The following PLCB1 variants were observed in gnomAD, a reference collection of about 807,000 sequenced individuals.
The protein encoded by PLCB1 is phospholipase C beta 1.
In PLCB1, 46 loss-of-function variants were observed where a neutral mutation model predicts 161.8. That is an observed-to-expected ratio of 0.28 (90% CI 0.22 to 0.36). The LOEUF (loss-of-function observed/expected upper bound fraction) is 0.36, where lower values mean the gene tolerates loss of function less well. PLCB1 is among the 10% of genes least tolerant of loss of function. PLCB1 has a pLI of 1.00. For missense variants in PLCB1, 1,016 were observed against 1,472.5 expected, an observed-to-expected ratio of 0.69 and a Z score of 5.07; for synonymous variants, 517 against 503.7, an observed-to-expected ratio of 1.03 and a Z score of -0.35.
chr20:8,736,123 A>G (rs918987427), intron 19 of PLCB1, among the ~76,000 whole-genome samples: 7 of 152,186 alleles, frequency 4.6e-5, no homozygotes, highest in African/African-American at 1.2e-4. Context: ...TTGTAACCAC[A>G]TAACCCAGAT....
chr20:8,418,762 A>C (rs935599061), intron 3 of PLCB1, among the ~76,000 whole-genome samples: 8 of 152,074 alleles, frequency 5.3e-5, no homozygotes, highest in Non-Finnish European at 1.0e-4. Flanking sequence ...AAAGCACTAA[A>C]CTCTAGAGGC....
At position 8,168,681 on chromosome 20, in the gene PLCB1, A is replaced by G. The variant is rs762220134; in HGVS notation, c.177+18310A>G. 3.9e-5 allele frequency among the ~76,000 whole-genome samples: 6 copies of G among 152,070 alleles called. No individual in the cohort carries two copies. In the East Asian group the frequency reaches 7.7e-4, roughly 20 times the overall value. ...GAAACCTTAAGTCATCTTTGAGGAT[A>G]CTAGTTTGTTGTGCTATTTTTTTTC... On this transcript the variant is annotated intron_variant, in intron 2 of 31. Coordinates refer to ENST00000338037, the MANE Select transcript of PLCB1 (RefSeq NM_015192.4).
At chr20:8,576,497 C>T (rs1005532709) in intron 3 of PLCB1, among the ~76,000 whole-genome samples, 15 of 152,276 alleles carry the variant, frequency 9.9e-5, no homozygotes, top group African/African-American at 3.6e-4. Flanking sequence ...GACATATTTC[C>T]ATACAATCAT....
intron 2 of PLCB1, among the ~76,000 whole-genome samples, chr20:8,191,356 C>T (rs1414709197): frequency 2.0e-5 from 3 of 151,978 alleles, no homozygotes; most frequent in African/African-American, 7.2e-5. Context: ...CACAAATTCA[C>T]TGATTGTTTC....
At chr20:8,554,082 GAA>G (rs58969181) in intron 3 of PLCB1, among the ~76,000 whole-genome samples, 2 of 140,054 alleles carry the variant, frequency 1.4e-5, no homozygotes, top group Admixed American at 7.2e-5. Context: ...TAAAATTAAG[GAA>G]AAAAAAAAAA....
At chr20:8,355,845 G>T (rs897813396) in intron 2 of PLCB1, among the ~76,000 whole-genome samples, 3 of 152,032 alleles carry the variant, frequency 2.0e-5, no homozygotes, top group Non-Finnish European at 4.4e-5. Context: ...AATAATAATT[G>T]CAACAAAAAG....
In PLCB1 at chr20:8,687,515, T is replaced by C. The variant is rs989138805; in HGVS notation, c.1009+2437T>C. On this transcript the variant is annotated intron_variant, in intron 10 of 31. Transcript: ENST00000338037. ...CACCCCCTGCCCCAAGTCCCCAAAG[T>C]CTATTATATCATTCTTATGCCTTTG... Among the ~76,000 whole-genome samples the C allele has an allele frequency of 5.9e-5, 9 of 152,172 alleles. No homozygotes were observed. In the South Asian group the frequency reaches 1.5e-3, roughly 25 times the overall value.
chr20:8,251,746 C>T (rs535575083), intron 2 of PLCB1, among the ~76,000 whole-genome samples: 18 of 152,002 alleles, frequency 1.2e-4, no homozygotes, highest in Admixed American at 3.3e-4. Context: ...TACATAGTTG[C>T]GAGTGAGACA....
At chr20:8,768,258 T>G (rs1982466553) in intron 26 of PLCB1, among the ~76,000 whole-genome samples, 1 of 152,152 alleles carries the variant, frequency 6.6e-6, no homozygotes, top group Non-Finnish European at 1.5e-5. Context: ...AACTTTTTTT[T>G]TTGTTTCTTC....
chr20:8,583,989 G>T (rs1324975190), intron 3 of PLCB1, among the ~76,000 whole-genome samples: 1 of 152,116 alleles, frequency 6.6e-6, no homozygotes, highest in East Asian at 1.9e-4. Flanking sequence ...TTAAATGAGT[G>T]TTTCCGGGGC....
rs574869908 is a variant in PLCB1, at chr20:8,533,316, A to G, written c.247-94978A>G. ...CTTTGCTATTGTGAATAATGCCGCA[A>G]TAAACATACGTGTGCATGTGTCTTT... On this transcript the variant is annotated intron_variant, in intron 3 of 31. Transcript: ENST00000338037. Among the ~76,000 whole-genome samples the G allele has an allele frequency of 2.6e-5, 4 of 151,040 alleles. No homozygotes were observed. In the South Asian group the frequency reaches 6.3e-4, roughly 24 times the overall value.
intron 3 of PLCB1, among the ~76,000 whole-genome samples, chr20:8,503,573 A>T (rs912906536): frequency 6.6e-6 from 1 of 152,130 alleles, no homozygotes; most frequent in African/African-American, 2.4e-5. Context: ...ATTAAACCCT[A>T]TACAGTCATA....
chr20:8,238,756 T>A (rs1408821754), intron 2 of PLCB1, among the ~76,000 whole-genome samples: 1 of 151,904 alleles, frequency 6.6e-6, no homozygotes, highest in Non-Finnish European at 1.5e-5. Context: ...TGGTTTCAAA[T>A]GTTATAGACA....
chr20:8,278,558 A>C (rs1330911460), intron 2 of PLCB1, among the ~76,000 whole-genome samples: 1 of 151,888 alleles, frequency 6.6e-6, no homozygotes, highest in Non-Finnish European at 1.5e-5. Context: ...CAGTCTATTC[A>C]TAAAAGAGGA....
chr20:8,341,338 A>G (rs1207124266), intron 2 of PLCB1, among the ~76,000 whole-genome samples: 2 of 151,576 alleles, frequency 1.3e-5, no homozygotes, highest in African/African-American at 2.4e-5. Context: ...ACCCCAACAC[A>G]CTCCATTATA....
rs918203215 is a variant in PLCB1 at position 8,884,822 on chromosome 20, G to A, written c.*2973G>A. ...TGTAATAATTCTATGCAATTTTGTG[G>A]CATGATGTTTCTTCCACTTGTAATT... On this transcript the variant is annotated 3_prime_UTR_variant, in exon 32 of 32. Coordinates refer to ENST00000338037, the MANE Select transcript of PLCB1 (RefSeq NM_015192.4). 6.6e-6 allele frequency: 1 copy of A among 152,470 alleles called. No individual in the cohort carries two copies. The allele number at this position is 152,470 out of a possible 1,614,324, so 9.4% of individuals were successfully genotyped here.
chr20:8,756,804 G>A (rs1981758680), intron 23 of PLCB1, among the ~76,000 whole-genome samples: 1 of 152,164 alleles, frequency 6.6e-6, no homozygotes, highest in Non-Finnish European at 1.5e-5. Context: ...GTGTGGAAGG[G>A]CACCACCAAC....
At chr20:8,407,579 C>T (rs983768644) in intron 3 of PLCB1, among the ~76,000 whole-genome samples, 6 of 152,148 alleles carry the variant, frequency 3.9e-5, no homozygotes, top group East Asian at 1.9e-4. Context: ...AAGACTTATT[C>T]GCTATCACGA....
intron 2 of PLCB1, among the ~76,000 whole-genome samples, chr20:8,332,555 G>A (rs1304536806): frequency 1.3e-5 from 2 of 152,188 alleles, no homozygotes; most frequent in Non-Finnish European, 2.9e-5. Context: ...ACTCTATAGT[G>A]TGGTAACTAT....
Sources: allele counts gnomAD v4.1 joint callset (sites outside exome capture counted in the v4.1 genomes callset), GRCh38; gene constraint gnomAD v4.1.1; transcripts MANE v1.5; gene names NCBI Gene and HGNC (gene_info 2026-07-23, HGNC 2026-07-21).